Variants in DSCAM observed in about 807,000 individuals in gnomAD.
DSCAM encodes the protein cell adhesion molecule DSCAM.
DSCAM carries 47 observed loss-of-function variants against 217.7 expected under a neutral mutation model. The observed-to-expected ratio is 0.22, with a 90% CI of 0.17 to 0.28. The LOEUF is 0.28. DSCAM is among the 10% of genes least tolerant of loss of function. The pLI is 1.00. For synonymous variants in DSCAM, 1,056 were observed against 1,015.3 expected (o/e 1.04, Z -0.76); for missense variants, 2,080 against 2,618.3 (o/e 0.79, Z 4.49).
intron 3 of DSCAM, chr21:40,629,571 C>T (rs555882558): frequency 6.6e-6 from 1 of 152,282 alleles, no homozygotes; most frequent in African/African-American, 2.4e-5. Context: ...CTCCTGATAT[C>T]CAAAATTCCC....
In DSCAM at chr21:40,339,104, T is replaced by G; in HGVS notation, c.1507+15A>C. The G allele has an allele frequency of 6.2e-7, 1 of 1,612,928 alleles. No homozygotes were observed. The highest frequency in any genetic ancestry group is 8.5e-7 in the Non-Finnish European group (1 of 1,179,212). On this transcript the variant is annotated intron_variant, in intron 7 of 32. Coordinates refer to ENST00000400454, the MANE Select transcript of DSCAM (RefSeq NM_001389.5). ...AGTTATGTGTGTTTTTTTGAGGAGCTGATTTGACAAGCACCTCTTACGTTT... is the reference window on the plus strand; with the variant it reads ...AGTTATGTGTGTTTTTTTGAGGAGCGGATTTGACAAGCACCTCTTACGTTT...
intron 3 of DSCAM, among the ~76,000 whole-genome samples, chr21:40,629,083 G>A (rs2089649252): frequency 2.4e-4 from 1 of 4,220 alleles, no homozygotes; most frequent in East Asian, 1.3e-3. Flanking sequence ...TGTGGTGTGT[G>A]TGTGTGTGTG....
chr21:40,134,009 T>G lies in DSCAM; in HGVS notation c.3407A>C (p.Glu1136Ala). Residue 1136 changes from glutamate to alanine, a missense_variant and splice_region_variant, in exon 19 of 33, where the codon GAG (glutamate) becomes GCG (alanine). By Grantham distance (107) the Glu-to-Ala change is moderately radical. Coordinates refer to ENST00000400454, the MANE Select transcript of DSCAM (RefSeq NM_001389.5). Reference sequence around the variant, plus strand: ...GGTGATGTTTTTAATCTCACCCAGCTCTGGAGGACAAGAACAAGAAAACAA... The same window carrying G: ...GGTGATGTTTTTAATCTCACCCAGCGCTGGAGGACAAGAACAAGAAAACAA... Reference protein sequence around the residue: ...VIYWANLMDGELGEIKNITTT... With the variant: ...VIYWANLMDGALGEIKNITTT... 2 of 1,605,514 alleles carry G rather than the reference T, an allele frequency of 1.2e-6. No individual in the cohort carries two copies. Among genetic ancestry groups the G allele is most frequent in the Non-Finnish European group, 1.7e-6 (2 of 1,176,862 alleles).
intron 3 of DSCAM, among the ~76,000 whole-genome samples, chr21:40,616,102 C>A (rs542071897): frequency 6.6e-6 from 1 of 152,042 alleles, no homozygotes; most frequent in East Asian, 1.9e-4. Flanking sequence ...TGGTTGGAAG[C>A]AGAAATAACT....
chr21:40,304,932 A>C (rs1296118692), intron 9 of DSCAM, among the ~76,000 whole-genome samples: 1 of 152,200 alleles, frequency 6.6e-6, no homozygotes, highest in Non-Finnish European at 1.5e-5. Flanking sequence ...AACAGACATA[A>C]TAATAATGAT....
chr21:40,355,329 A>C (rs1412042381), intron 4 of DSCAM, among the ~76,000 whole-genome samples: 1 of 152,218 alleles, frequency 6.6e-6, no homozygotes, highest in Admixed American at 6.5e-5. Flanking sequence ...ATGGATTAAA[A>C]AGCAGCAGCT....
chr21:40,172,763 G>A (rs778278670), intron 15 of DSCAM, among the ~76,000 whole-genome samples: 1 of 152,144 alleles, frequency 6.6e-6, no homozygotes, highest in Non-Finnish European at 1.5e-5. Flanking sequence ...TATGTGCCAG[G>A]TCCTAAACTA....
Position 40,758,754 on chromosome 21 carries a change from AG to A in DSCAM, c.44-49984del, listed in dbSNP as rs1346007483. Among the ~76,000 whole-genome samples the A allele has an allele frequency of 2.6e-5, 4 of 152,142 alleles. No homozygotes were observed. The East Asian group carries it at 7.8e-4, about 30-fold the overall frequency. On this transcript the variant is annotated intron_variant, in intron 1 of 32. Transcript: ENST00000400454. ...GCTGGGGGCTAACCTGGCTCCTAAA[AG>A]GGCCTCTAGCCCAAAACTTCACACC...
intron 31 of DSCAM, among the ~76,000 whole-genome samples, chr21:40,043,620 GT>G (rs1429934922): frequency 6.6e-6 from 1 of 152,184 alleles, no homozygotes; most frequent in Non-Finnish European, 1.5e-5. Flanking sequence ...ACCAACCCCT[GT>G]TTAATTGTCA....
At chr21:40,185,859 C>T (rs917081128) in intron 14 of DSCAM, among the ~76,000 whole-genome samples, 1 of 152,162 alleles carries the variant, frequency 6.6e-6, no homozygotes, top group South Asian at 2.1e-4. Flanking sequence ...TGTGCCTCAC[C>T]CCTGAGCCCA....
Position 40,016,671 on chromosome 21 carries a change from A to G in DSCAM, c.5687-3285T>C, listed in dbSNP as rs1233557410. Among the ~76,000 whole-genome samples, 2 of 152,176 alleles carry G rather than the reference A, an allele frequency of 1.3e-5. No homozygotes were observed. The highest frequency in any genetic ancestry group is 6.5e-5 in the Admixed American group (1 of 15,272). On this transcript the variant is annotated intron_variant, in intron 32 of 32. Coordinates refer to ENST00000400454, the MANE Select transcript of DSCAM (RefSeq NM_001389.5). The surrounding 1 kb of genome is among the most constrained non-coding windows in gnomAD (Gnocchi z 4.3). ...AAGGTGCAGGCTGAGGGGATCTGAG[A>G]CCACCTGAGCCAAGTGAGGGCTGCC...
At chr21:40,474,604 CAG>C (rs1569138526) in intron 3 of DSCAM, among the ~76,000 whole-genome samples, 2 of 152,154 alleles carry the variant, frequency 1.3e-5, no homozygotes, top group Non-Finnish European at 2.9e-5. Flanking sequence ...TCCCGCAGAG[CAG>C]AGTTTGAAAA....
chr21:40,602,936 T>A (rs1267965021), intron 3 of DSCAM, among the ~76,000 whole-genome samples: 1 of 137,748 alleles, frequency 7.3e-6, no homozygotes, highest in Admixed American at 7.8e-5. Flanking sequence ...TGATTTCAAA[T>A]CTTTTTTCTT....
At chr21:40,684,239 GAA>G (rs1443345882) in intron 3 of DSCAM, among the ~76,000 whole-genome samples, 2 of 151,938 alleles carry the variant, frequency 1.3e-5, no homozygotes, top group Non-Finnish European at 2.9e-5. Flanking sequence ...AAAGAAAAAA[GAA>G]AAAAGAAACC....
intron 1 of DSCAM, among the ~76,000 whole-genome samples, chr21:40,802,954 C>A (rs1428192004): frequency 1.3e-5 from 2 of 152,174 alleles, no homozygotes; most frequent in Non-Finnish European, 2.9e-5. Context: ...CCACACCTCA[C>A]AACTAGACAG....
intron 1 of DSCAM, among the ~76,000 whole-genome samples, chr21:40,731,094 C>T (rs902689298): frequency 3.3e-5 from 5 of 151,998 alleles, no homozygotes; most frequent in East Asian, 1.9e-4. Context: ...ATATGAGCTT[C>T]GGTAAGGAAG....
At chr21:40,051,522 T>A (rs1336032086) in intron 30 of DSCAM, among the ~76,000 whole-genome samples, 1 of 152,198 alleles carries the variant, frequency 6.6e-6, no homozygotes, top group African/African-American at 2.4e-5. Flanking sequence ...GCATAATTTA[T>A]CTGAGGCTGC....
chr21:40,376,165 A>G (rs1208124113), intron 3 of DSCAM, among the ~76,000 whole-genome samples: 1 of 152,158 alleles, frequency 6.6e-6, no homozygotes, highest in Admixed American at 6.5e-5. Context: ...TCTGCTAATA[A>G]GATGTTAAAT....
intron 1 of DSCAM, among the ~76,000 whole-genome samples, chr21:40,781,170 G>A (rs541253856): frequency 2.5e-4 from 38 of 151,974 alleles, no homozygotes; most frequent in African/African-American, 7.0e-4. Flanking sequence ...CACCATGCCC[G>A]GGTAATTTTT....
Sources: allele counts gnomAD v4.1 joint callset (sites outside exome capture counted in the v4.1 genomes callset), GRCh38; gene constraint gnomAD v4.1.1; non-coding constraint Gnocchi (gnomAD v3.1); transcripts MANE v1.5; gene names NCBI Gene and HGNC (gene_info 2026-07-23, HGNC 2026-07-21).